SHROOM3: variants seen among roughly 807,000 people sequenced by gnomAD.
SHROOM3 encodes shroom family member 3.
A neutral mutation model predicts 138.6 loss-of-function variants in SHROOM3; 47 were observed. The observed-to-expected ratio is 0.34, with a 90% confidence interval of 0.27 to 0.43. The LOEUF (loss-of-function observed/expected upper bound fraction) is 0.43, where lower values mean the gene tolerates loss of function less well. Ranked by LOEUF, SHROOM3 falls within the 20% of genes least tolerant of loss-of-function variation. The pLI is 1.00. For synonymous variants in SHROOM3, 1,062 were observed against 1,063.3 expected (o/e 1.00, Z 0.02); for missense variants, 2,491 against 2,596.5 (o/e 0.96, Z 0.88).
chr4:76,659,453 A>G (rs1306805900), intron 2 of SHROOM3, among the ~76,000 whole-genome samples: 6 of 152,372 alleles, frequency 3.9e-5, no homozygotes, highest in Non-Finnish European at 1.5e-5. Flanking sequence ...TTGGGTTTAG[A>G]GCCATATGTT....
intron 1 of SHROOM3, among the ~76,000 whole-genome samples, chr4:76,471,082 T>C (rs1437585888): frequency 6.6e-6 from 1 of 152,166 alleles, no homozygotes; most frequent in Non-Finnish European, 1.5e-5. Flanking sequence ...ACTTTTGTTA[T>C]AAAACCTCAC....
chr4:76,754,579 T>C lies in SHROOM3; in HGVS notation c.4096T>C (p.Tyr1366His), dbSNP rs1721740775. The change falls in exon 7 of 11, where the codon TAC becomes CAC. Residue 1366 changes from tyrosine to histidine, a missense_variant. This residue lies in a region of SHROOM3 where 1,733 missense variants were observed against 1,661.6 expected (regional missense o/e 1.04). Transcript: ENST00000296043. ...TCTGCCTTCAGCCATTCCCTCTGGCTACTGCTCACAGGACGGTCAGACAGG... is the reference window on the plus strand; with the variant it reads ...TCTGCCTTCAGCCATTCCCTCTGGCCACTGCTCACAGGACGGTCAGACAGG... ...TPLPSAIPSG[Y>H]CSQDGQTGRQ... The C allele has an allele frequency of 6.2e-7, 1 of 1,614,028 alleles. No individual in the cohort carries two copies. Among genetic ancestry groups the C allele is most frequent in the South Asian group, 1.1e-5 (1 of 91,088 alleles).
At chr4:76,720,909 C>T (rs1185394531) in intron 3 of SHROOM3, among the ~76,000 whole-genome samples, 1 of 151,906 alleles carries the variant, frequency 6.6e-6, no homozygotes, top group Non-Finnish European at 1.5e-5. Flanking sequence ...CACGCCCGGC[C>T]TCCCCCCGAA....
Position 76,741,112 on chromosome 4 carries a change from A to G in SHROOM3, c.2939A>G (p.His980Arg). The change falls in exon 5 of 11, where the codon CAC becomes CGC. Residue 980 changes from histidine (H) to arginine (R), a missense_variant. His to Arg is a conservative substitution (Grantham distance 29). Transcript: ENST00000296043. This position sits in a 1 kb window ranked among gnomAD's most constrained non-coding sequence, Gnocchi z 6.2. Reference protein sequence around the residue: ...SPEASASASPHTPRERHSVTP... With the variant: ...SPEASASASPRTPRERHSVTP... The stretch of plus-strand genomic sequence containing the variant: ...GAGGCGTCGGCCTCCGCCTCCCCGC[A>G]CACGCCCCGGGAGCGGCACAGCGTG... The G allele has an allele frequency of 6.5e-7, 1 of 1,549,594 alleles. No homozygotes were observed. The highest frequency in any genetic ancestry group is 8.7e-7 in the Non-Finnish European group (1 of 1,147,402).
intron 1 of SHROOM3, among the ~76,000 whole-genome samples, chr4:76,441,082 A>ATTTTTT (rs1354191068): frequency 3.8e-3 from 211 of 55,684 alleles, no homozygotes; most frequent in Middle Eastern, 0.01. Flanking sequence ...CCTGAGTTCA[A>ATTTTTT]TTTGTTTTTT....
chr4:76,657,520 G>A (rs1330659254), intron 2 of SHROOM3, among the ~76,000 whole-genome samples: 2 of 152,046 alleles, frequency 1.3e-5, no homozygotes, highest in Non-Finnish European at 2.9e-5. Flanking sequence ...CATTACTAGC[G>A]CTAACATTTT....
chr4:76,778,834 T>C lies in SHROOM3; in HGVS notation c.5648T>C (p.Ile1883Thr), dbSNP rs149157778. 4.1e-4 allele frequency: 663 copies of C among 1,612,470 alleles called. 1 individual carries two copies. Among genetic ancestry groups the C allele is most frequent in the Non-Finnish European group, 5.3e-4 (626 of 1,180,024 alleles). Residue 1883 changes from isoleucine (I) to threonine (T), a missense_variant, in exon 11 of 11, where the codon ATC becomes ACC. Around this residue, in one of 4 missense-constraint regions of SHROOM3, gnomAD observed 470 missense variants for 595.0 expected, o/e 0.79. Transcript: ENST00000296043. Reference sequence around the variant, plus strand: ...AGCTCTCTTTACGAGAAAAGGAAGATCCTGGCTGGTCAGCATGAGGATGCC... The same window carrying C: ...AGCTCTCTTTACGAGAAAAGGAAGACCCTGGCTGGTCAGCATGAGGATGCC... Reference protein sequence around the residue: ...ERSSLYEKRKILAGQHEDARE... With the variant: ...ERSSLYEKRKTLAGQHEDARE...
Position 76,698,271 on chromosome 4 carries a change from T to TA in SHROOM3, c.324-11878dup, listed in dbSNP as rs990078388. Among the ~76,000 whole-genome samples, 3 of 152,238 alleles carry TA rather than the reference T, an allele frequency of 2.0e-5. No homozygotes were observed. In the East Asian group the frequency reaches 5.8e-4, roughly 29 times the overall value. ...GACACAAATGCATTTGGCATGAGCTTAAAAAAAGTGCATGTGAGCTTCTTT... is the reference window on the plus strand; with the variant it reads ...GACACAAATGCATTTGGCATGAGCTTAAAAAAAAGTGCATGTGAGCTTCTTT... On this transcript the variant is annotated intron_variant, in intron 2 of 10. Transcript: ENST00000296043.
At chr4:76,689,850 C>G in intron 2 of SHROOM3, 5 of 737,104 alleles carry the variant, frequency 6.8e-6, no homozygotes, top group Non-Finnish European at 8.3e-6. Flanking sequence ...AGCACCCCGG[C>G]TGATGGGGGC....
intron 2 of SHROOM3, among the ~76,000 whole-genome samples, chr4:76,666,936 C>T (rs1368408910): frequency 6.6e-6 from 1 of 152,098 alleles, no homozygotes; most frequent in Non-Finnish European, 1.5e-5. Flanking sequence ...CATAGGTGAA[C>T]TTTGGGAATG....
intron 2 of SHROOM3, among the ~76,000 whole-genome samples, chr4:76,578,426 A>T (rs377667565): frequency 4.6e-5 from 7 of 152,304 alleles, no homozygotes; most frequent in African/African-American, 9.6e-5. Flanking sequence ...CAGAAAGAAG[A>T]GGTGTGTGAA....
chr4:76,511,554 C>T lies in SHROOM3; in HGVS notation c.169-44055C>T, dbSNP rs368976218. Among the ~76,000 whole-genome samples, 12 of 152,298 alleles carry T rather than the reference C, an allele frequency of 7.9e-5. 2 individuals are homozygous for T. The highest frequency in any genetic ancestry group is 1.9e-4 in the East Asian group (1 of 5,174). ...TACTGCTTCTTGGAAAAATACCCTT[C>T]AAGTTTTCACCTGTGATGAGCAGGG... On this transcript the variant is annotated intron_variant, in intron 1 of 10. Coordinates refer to ENST00000296043, the MANE Select transcript of SHROOM3 (RefSeq NM_020859.4).
chr4:76,569,115 T>A (rs1733785152), intron 2 of SHROOM3, among the ~76,000 whole-genome samples: 1 of 152,228 alleles, frequency 6.6e-6, no homozygotes, highest in Admixed American at 6.5e-5. Flanking sequence ...GGCATTTCTA[T>A]TTTTCACTAA....
chr4:76,525,548 T>C (rs1177245388), intron 1 of SHROOM3, among the ~76,000 whole-genome samples: 1 of 152,228 alleles, frequency 6.6e-6, no homozygotes, highest in African/African-American at 2.4e-5. Context: ...GGTGTTAACA[T>C]GCATTGCCCT....
At chr4:76,724,304 T>C (rs1720636922) in intron 3 of SHROOM3, among the ~76,000 whole-genome samples, 1 of 152,218 alleles carries the variant, frequency 6.6e-6, no homozygotes, top group South Asian at 2.1e-4. Context: ...TTTAGGAAAA[T>C]ATTTCTTTAA....
intron 1 of SHROOM3, among the ~76,000 whole-genome samples, chr4:76,439,007 C>T (rs369795004): frequency 1.4e-4 from 22 of 152,332 alleles, no homozygotes; most frequent in African/African-American, 4.6e-4. Flanking sequence ...TTACTACAAA[C>T]TTATGGCTTA....
intron 9 of SHROOM3, among the ~76,000 whole-genome samples, chr4:76,769,796 CTAAG>C (rs1314734833): frequency 6.6e-6 from 1 of 152,166 alleles, no homozygotes; most frequent in Non-Finnish European, 1.5e-5. Flanking sequence ...GCTGGGAAGA[CTAAG>C]TAACATAATC....
At chr4:76,594,335 T>C (rs1485556817) in intron 2 of SHROOM3, among the ~76,000 whole-genome samples, 1 of 152,208 alleles carries the variant, frequency 6.6e-6, no homozygotes, top group Non-Finnish European at 1.5e-5. Context: ...CATAACCTAT[T>C]GATACCAGTG....
chr4:76,651,383 C>T (rs942476993), intron 2 of SHROOM3, among the ~76,000 whole-genome samples: 2 of 131,688 alleles, frequency 1.5e-5, no homozygotes, highest in East Asian at 2.1e-4. Context: ...TGTATTAACA[C>T]ATCTCATGTA....
Sources: allele counts gnomAD v4.1 joint callset (sites outside exome capture counted in the v4.1 genomes callset), GRCh38; gene constraint gnomAD v4.1.1; regional missense constraint gnomAD v4.1.1; non-coding constraint Gnocchi (gnomAD v3.1); transcripts MANE v1.5; gene names NCBI Gene and HGNC (gene_info 2026-07-23, HGNC 2026-07-21).